Variants in TNRC6C observed in about 807,000 individuals in gnomAD.
The protein encoded by TNRC6C is trinucleotide repeat-containing gene 6C protein.
Under a neutral mutation model 153.7 loss-of-function variants are expected in TNRC6C, and 20 were observed. The observed-to-expected ratio is 0.13, with a 90% CI of 0.09 to 0.19. The LOEUF (loss-of-function observed/expected upper bound fraction) is 0.19, where lower values mean the gene tolerates loss of function less well. TNRC6C is among the 10% of genes least tolerant of loss of function. The probability of loss-of-function intolerance (pLI) is 1.00; values close to 1 mark genes in which losing one functional copy is unlikely to be tolerated. For missense variants in TNRC6C, 1,987 were observed against 2,172.0 expected (o/e 0.91, Z 1.69); for synonymous variants, 811 against 841.4 (o/e 0.96, Z 0.63).
intron 12 of TNRC6C, 47 bp downstream of exon 14, chr17:78,086,633 T>C (rs2073296062): frequency 1.3e-6 from 2 of 1,576,578 alleles, no homozygotes; most frequent in South Asian, 1.1e-5. Context: ...TAATTTTCCC[T>C]GATAGAAGAG....
At chr17:77,995,532 T>C (rs1176690671) in intron 1 of TNRC6C, among the ~76,000 whole-genome samples, 1 of 152,186 alleles carries the variant, frequency 6.6e-6, no homozygotes, top group Admixed American at 6.5e-5. Context: ...CCTAAGTAGT[T>C]TTTTGGGAAA....
rs77789344 is a variant in TNRC6C at position 77,991,119 on chromosome 17, G to A, written c.-37-13051G>A. On this transcript the variant is annotated intron_variant, in intron 1 of 22. Coordinates refer to the TNRC6C transcript ENST00000636222. Reference sequence around the variant, plus strand: ...AGGGATGTATGTTGCTCGTTATTCTGTACAAGTGTTAATAGGATTTTTCTG... The same window carrying A: ...AGGGATGTATGTTGCTCGTTATTCTATACAAGTGTTAATAGGATTTTTCTG... 8.5e-3 allele frequency among the ~76,000 whole-genome samples: 1,290 copies of A among 152,282 alleles called. 16 individuals are homozygous for A. The highest frequency in any genetic ancestry group is 0.011 in the Non-Finnish European group (764 of 68,014).
chr17:78,105,266 A>G (rs1486568235), exon 20 of TNRC6C: 1 of 158,352 alleles, frequency 6.3e-6, no homozygotes. Flanking sequence ...GATTATGCAC[A>G]TGACCAGAGG....
At position 78,049,578 on chromosome 17, in the gene TNRC6C, C is replaced by T; in HGVS notation, c.516C>T (p.Phe172=). The stretch of plus-strand genomic sequence containing the variant: ...CGTCCACTTCTCAGAATGTGTCTTT[C>T]AGCGCACAACCTCAGAACCTTAACA... The change falls in exon 3 of 20, where the codon TTC becomes TTT. Residue 172 remains phenylalanine (F), a synonymous_variant. Coordinates refer to ENST00000301624, the Ensembl canonical transcript of TNRC6C. The surrounding 1 kb of genome is among the most constrained non-coding windows in gnomAD (Gnocchi z 4.1). The T allele has an allele frequency of 6.2e-7, 1 of 1,613,992 alleles. No homozygotes were observed. Among genetic ancestry groups the T allele is most frequent in the Non-Finnish European group, 8.5e-7 (1 of 1,179,902 alleles).
intron 17 of TNRC6C, among the ~76,000 whole-genome samples, chr17:78,100,343 G>A (rs2073567433): frequency 6.6e-6 from 1 of 152,240 alleles, no homozygotes; most frequent in Admixed American, 6.5e-5. Context: ...AGTATTGTCT[G>A]AACATCCAGG....
chr17:78,042,456 T>A (rs1021862862), intron 2 of TNRC6C, among the ~76,000 whole-genome samples: 5 of 152,214 alleles, frequency 3.3e-5, no homozygotes, highest in Admixed American at 3.3e-4. Flanking sequence ...CCGACGTGTA[T>A]GGAAATACTT....
rs747190842 is a variant in TNRC6C at position 78,079,035 on chromosome 17, G to A, written c.3211-360G>A. ...TGAACCCAGGGGTAGAGGTTGCAGT[G>A]AGCTGAGATCGCACTACTGCATTCC... is the stretch of plus-strand genomic sequence containing the variant. On this transcript the variant is annotated intron_variant, in intron 9 of 19. Transcript: ENST00000301624. This position sits in a 1 kb window ranked among gnomAD's most constrained non-coding sequence, Gnocchi z 4.3. Among the ~76,000 whole-genome samples, 1 of 151,846 alleles carries A rather than the reference G, an allele frequency of 6.6e-6. No homozygotes were observed. The highest frequency in any genetic ancestry group is 2.4e-5 in the African/African-American group (1 of 41,302).
chr17:77,986,395 A>G (rs1343229370), intron 1 of TNRC6C, among the ~76,000 whole-genome samples: 1 of 145,006 alleles, frequency 6.9e-6, no homozygotes, highest in Admixed American at 7.0e-5. Context: ...CCTGGACAAC[A>G]AGAGTGAAAC....
In TNRC6C at chr17:78,049,637, C is replaced by A; in HGVS notation, c.575C>A (p.Ser192Tyr). 6.2e-7 allele frequency: 1 copy of A among 1,613,998 alleles called. No individual in the cohort carries two copies. Among genetic ancestry groups the A allele is most frequent in the African/African-American group, 1.3e-5 (1 of 75,064 alleles). Residue 192 changes from serine (S) to tyrosine (Y), a missense_variant, in exon 3 of 20, where the codon TCT becomes TAT. Physicochemically the swap from Ser to Tyr is moderately radical, Grantham distance 144 (BLOSUM62 -2). Around this residue, in one of 4 missense-constraint regions of TNRC6C, gnomAD observed 1,052 missense variants for 1,017.0 expected, o/e 1.03. Transcript: ENST00000301624. The surrounding 1 kb of genome is among the most constrained non-coding windows in gnomAD (Gnocchi z 4.1). ...CCAAATAACACTAACCCCATGAACTCTTCACCCAACCCTATCAATGCAATG... is the reference window on the plus strand; with the variant it reads ...CCAAATAACACTAACCCCATGAACTATTCACCCAACCCTATCAATGCAATG...
intron 3 of TNRC6C, among the ~76,000 whole-genome samples, chr17:78,054,321 C>T (rs532800239): frequency 6.6e-6 from 1 of 152,168 alleles, no homozygotes; most frequent in South Asian, 2.1e-4. Flanking sequence ...CTACGCACAC[C>T]ACTGCAGACT....
chr17:78,002,070 T>C (rs1316074056), upstream of TNRC6C, among the ~76,000 whole-genome samples: 1 of 152,220 alleles, frequency 6.6e-6, no homozygotes, highest in Non-Finnish European at 1.5e-5. Flanking sequence ...ACTCTCCATT[T>C]AATTGATACA....
intron 2 of TNRC6C, among the ~76,000 whole-genome samples, chr17:78,048,026 GA>G (rs1489659445): frequency 1.3e-5 from 2 of 152,076 alleles, no homozygotes; most frequent in Non-Finnish European, 2.9e-5. Context: ...GATCTCCAAA[GA>G]AAAGGCTCTA....
intron 3 of TNRC6C, among the ~76,000 whole-genome samples, chr17:78,062,493 C>G (rs2072788406): frequency 6.6e-6 from 1 of 152,118 alleles, no homozygotes; most frequent in Non-Finnish European, 1.5e-5. Flanking sequence ...GTAAGTTTTT[C>G]TCTTGCACAC....
At chr17:77,958,478 A>C (rs2070829563), upstream of TNRC6C, among the ~76,000 whole-genome samples, 1 of 151,538 alleles carries the variant, frequency 6.6e-6, no homozygotes, top group Non-Finnish European at 1.5e-5. Context: ...ATTAAGGGGA[A>C]AGGAGGAGGC....
chr17:77,994,627 A>G (rs2071300594), intron 1 of TNRC6C, among the ~76,000 whole-genome samples: 1 of 152,220 alleles, frequency 6.6e-6, no homozygotes, highest in African/African-American at 2.4e-5. Flanking sequence ...GTGACAGACC[A>G]ACGCTTATAT....
intron 1 of TNRC6C, among the ~76,000 whole-genome samples, chr17:77,985,360 C>T (rs944207742): frequency 1.3e-5 from 2 of 151,514 alleles, no homozygotes; most frequent in African/African-American, 2.4e-5. Flanking sequence ...TTTGGAAGGC[C>T]GAGGCGGGCG....
chr17:78,062,269 C>CAGCAT (rs1353508261), intron 3 of TNRC6C, among the ~76,000 whole-genome samples: 4 of 152,192 alleles, frequency 2.6e-5, no homozygotes, highest in Non-Finnish European at 5.9e-5. Context: ...ATATATTCCT[C>CAGCAT]AGCATAGAGC....
intron 2 of TNRC6C, among the ~76,000 whole-genome samples, chr17:78,043,929 G>C (rs760221085): frequency 2.6e-5 from 4 of 152,116 alleles, no homozygotes; most frequent in Non-Finnish European, 4.4e-5. Context: ...GTATTCCATT[G>C]TGTATATCTG....
chr17:77,958,373 C>T (rs370278670), upstream of TNRC6C, among the ~76,000 whole-genome samples: 142 of 152,044 alleles, frequency 9.3e-4, 3 homozygotes, highest in South Asian at 0.028. Flanking sequence ...GTGCAAGCTC[C>T]CAGGACTGGC....
Sources: allele counts gnomAD v4.1 joint callset (sites outside exome capture counted in the v4.1 genomes callset), GRCh38; gene constraint gnomAD v4.1.1; regional missense constraint gnomAD v4.1.1; non-coding constraint Gnocchi (gnomAD v3.1); transcripts MANE v1.5; gene names NCBI Gene and HGNC (gene_info 2026-07-23, HGNC 2026-07-21).